The following WWOX variants were observed in gnomAD, a reference collection of about 807,000 sequenced individuals.
The protein encoded by WWOX is WW domain containing oxidoreductase.
Under a neutral mutation model 46.2 loss-of-function variants are expected in WWOX, and 69 were observed. That is an observed-to-expected ratio of 1.49 (90% CI 1.23 to 1.82). The LOEUF (loss-of-function observed/expected upper bound fraction) is 1.82. WWOX is among the 40% of genes most tolerant of loss of function. WWOX has a pLI of 0.00. For missense variants in WWOX, 919 were observed against 542.6 expected (o/e 1.69, Z -6.89); for synonymous variants, 359 against 202.6 (o/e 1.77, Z -6.56).
intron 8 of WWOX, among the ~76,000 whole-genome samples, chr16:78,946,838 G>A (rs2045958622): frequency 6.6e-6 from 1 of 152,088 alleles, no homozygotes; most frequent in Admixed American, 6.5e-5. Context: ...AGGACAAGAG[G>A]GCGTCACGGT....
chr16:78,402,823 C>T (rs1417252996), intron 6 of WWOX, among the ~76,000 whole-genome samples: 1 of 152,164 alleles, frequency 6.6e-6, no homozygotes, highest in Non-Finnish European at 1.5e-5. Flanking sequence ...TCAGTGCTGG[C>T]TCCCATTGGC....
chr16:79,072,965 ACGT>A lies in WWOX; in HGVS notation c.1057-138641_1057-138639del, dbSNP rs981940146. Among the ~76,000 whole-genome samples, 96 of 152,100 alleles carry A rather than the reference ACGT, an allele frequency of 6.3e-4. 1 individual carries two copies. Among genetic ancestry groups the A allele is most frequent in the African/African-American group, 2.1e-3 (89 of 41,500 alleles). ...CATTTGGACTCCGGGTCATTGACAA[ACGT>A]CATCACTGTTTTTAGTTGAAATGTG... On this transcript the variant is annotated intron_variant, in intron 8 of 8. Transcript: ENST00000566780.
At chr16:78,398,836 G>C (rs2082347663) in intron 6 of WWOX, among the ~76,000 whole-genome samples, 1 of 152,218 alleles carries the variant, frequency 6.6e-6, no homozygotes, top group Admixed American at 6.5e-5. Context: ...ATAAAGCGTA[G>C]TACCTGATAC....
At chr16:79,147,353 G>A (rs562083595) in intron 8 of WWOX, among the ~76,000 whole-genome samples, 1 of 152,304 alleles carries the variant, frequency 6.6e-6, no homozygotes, top group East Asian at 1.9e-4. Context: ...AGCATAGTAT[G>A]TAATCTTTTG....
chr16:78,611,024 A>C (rs768668688), intron 8 of WWOX, among the ~76,000 whole-genome samples: 15 of 152,222 alleles, frequency 9.9e-5, no homozygotes, highest in Non-Finnish European at 2.1e-4. Flanking sequence ...GCAGAGTTGC[A>C]ATATGAAGAA....
chr16:78,375,428 G>T (rs1389273087), intron 5 of WWOX, among the ~76,000 whole-genome samples: 3 of 152,212 alleles, frequency 2.0e-5, no homozygotes, highest in Non-Finnish European at 1.5e-5. Flanking sequence ...TTGATGGTAT[G>T]TTAAACAGTC....
chr16:78,717,897 T>C (rs2048602771), intron 8 of WWOX, among the ~76,000 whole-genome samples: 1 of 152,198 alleles, frequency 6.6e-6, no homozygotes, highest in Non-Finnish European at 1.5e-5. Flanking sequence ...GTTTGAAACC[T>C]ATTCACGACA....
At chr16:78,964,465 G>C (rs772324043) in intron 8 of WWOX, among the ~76,000 whole-genome samples, 1 of 152,208 alleles carries the variant, frequency 6.6e-6, no homozygotes, top group Non-Finnish European at 1.5e-5. Context: ...ACTTGAGAAA[G>C]ATGATTTAGG....
intron 6 of WWOX, among the ~76,000 whole-genome samples, chr16:78,391,346 C>T (rs552997853): frequency 2.0e-5 from 3 of 152,308 alleles, no homozygotes; most frequent in South Asian, 4.1e-4. Flanking sequence ...TATAAGAGTC[C>T]TGCACACTTA....
chr16:78,627,255 C>G (rs191210287), intron 8 of WWOX, among the ~76,000 whole-genome samples: 2 of 152,294 alleles, frequency 1.3e-5, no homozygotes, highest in African/African-American at 4.8e-5. Context: ...CATACCTCCC[C>G]AGGGGATAGC....
chr16:78,359,608 A>T (rs2081366628), intron 5 of WWOX, among the ~76,000 whole-genome samples: 1 of 152,236 alleles, frequency 6.6e-6, no homozygotes, highest in Admixed American at 6.5e-5. Context: ...AGCAAGATTT[A>T]AAAAATACAT....
intron 8 of WWOX, among the ~76,000 whole-genome samples, chr16:78,756,585 C>T (rs757982245): frequency 7.2e-5 from 11 of 152,168 alleles, no homozygotes; most frequent in Non-Finnish European, 1.2e-4. Flanking sequence ...ATTGATATTC[C>T]TATGAGAGTT....
At position 78,945,534 on chromosome 16, in the gene WWOX, C is replaced by T. The variant is rs1026798031; in HGVS notation, c.1057-266074C>T. Among the ~76,000 whole-genome samples, 38 of 152,260 alleles carry T rather than the reference C, an allele frequency of 2.5e-4. 1 individual carries two copies. The East Asian group carries it at 3.9e-3, about 16-fold the overall frequency. On this transcript the variant is annotated intron_variant, in intron 8 of 8. Coordinates refer to ENST00000566780, the MANE Select transcript of WWOX (RefSeq NM_016373.4). ...TCTCTTCTGTTACTGTTTATATACC[C>T]GGCCACTTCTGCCAAAATATGCTGG...
chr16:79,166,047 TAAA>T (rs1262095981), intron 8 of WWOX, among the ~76,000 whole-genome samples: 1 of 152,220 alleles, frequency 6.6e-6, no homozygotes, highest in Non-Finnish European at 1.5e-5. Context: ...TGATCTCCTT[TAAA>T]AAGGCTGCGT....
chr16:78,669,785 C>G (rs181799315), intron 8 of WWOX, among the ~76,000 whole-genome samples: 21 of 152,234 alleles, frequency 1.4e-4, no homozygotes, highest in African/African-American at 5.1e-4. Context: ...ACATGGCACC[C>G]CTATTGATTA....
chr16:78,643,142 C>G (rs1197482153), intron 8 of WWOX, among the ~76,000 whole-genome samples: 1 of 152,158 alleles, frequency 6.6e-6, no homozygotes, highest in Non-Finnish European at 1.5e-5. Context: ...GCTATCCAGA[C>G]CCAAGAGGAT....
intron 8 of WWOX, among the ~76,000 whole-genome samples, chr16:78,642,178 C>T (rs1344378139): frequency 3.9e-5 from 6 of 152,146 alleles, no homozygotes; most frequent in East Asian, 3.9e-4. Flanking sequence ...ATTGGAATCC[C>T]TAATCCAGAG....
intron 8 of WWOX, among the ~76,000 whole-genome samples, chr16:79,207,142 C>T (rs1488432949): frequency 6.6e-6 from 1 of 152,152 alleles, no homozygotes; most frequent in Non-Finnish European, 1.5e-5. Context: ...GACATGAGGG[C>T]TCACCCCCTC....
intron 8 of WWOX, among the ~76,000 whole-genome samples, chr16:78,643,768 C>A (rs533419376): frequency 6.6e-6 from 1 of 150,976 alleles, no homozygotes; most frequent in Non-Finnish European, 1.5e-5. Flanking sequence ...AGAGTTTATT[C>A]ATATCACTCT....
Sources: allele counts gnomAD v4.1 joint callset (sites outside exome capture counted in the v4.1 genomes callset), GRCh38; gene constraint gnomAD v4.1.1; transcripts MANE v1.5; gene names NCBI Gene and HGNC (gene_info 2026-07-23, HGNC 2026-07-21).